The following ATOSA variants were observed in gnomAD, a reference collection of about 807,000 sequenced individuals.
ATOSA encodes the protein atos homolog A, also known as atos homolog protein A.
chr15:52,601,580 C>A, the ATOSA span, among the ~76,000 whole-genome samples: 2 of 151,478 alleles, frequency 1.3e-5, no homozygotes, highest in Non-Finnish European at 2.9e-5. Flanking sequence ...TGAGGCCCCA[C>A]CAGCACTGCC....
At chr15:52,650,231 A>AC in the ATOSA span, among the ~76,000 whole-genome samples, 2 of 151,966 alleles carry the variant, frequency 1.3e-5, no homozygotes, top group Non-Finnish European at 2.9e-5. Context: ...TCCCTTTCAT[A>AC]CCCCTACCCC....
chr15:52,601,092 G>T, the ATOSA span: 1 of 1,529,146 alleles, frequency 6.5e-7, no homozygotes, highest in Non-Finnish European at 8.8e-7. Flanking sequence ...ATACCTTCTA[G>T]ATGAGAAGCT....
chr15:52,667,915 G>A, the ATOSA span, among the ~76,000 whole-genome samples: 3 of 152,210 alleles, frequency 2.0e-5, no homozygotes, highest in Non-Finnish European at 4.4e-5. Context: ...AAGAAAACAA[G>A]TGTTGGCAAG....
the ATOSA span, among the ~76,000 whole-genome samples, chr15:52,670,199 G>T: frequency 6.6e-6 from 1 of 152,174 alleles, no homozygotes; most frequent in Non-Finnish European, 1.5e-5. Context: ...TTTCATGCTT[G>T]TTCCAACCAG....
At chr15:52,583,390 G>GTCATTCATTCATTCATTCATTCATTCAT in the ATOSA span, among the ~76,000 whole-genome samples, 4 of 150,872 alleles carry the variant, frequency 2.7e-5, no homozygotes, top group East Asian at 7.9e-4. Context: ...TTCATACCAT[G>GTCATTCATTCATTCATTCATTCATTCAT]TCATTCATTC....
chr15:52,672,811 G>A, the ATOSA span, among the ~76,000 whole-genome samples: 4 of 152,152 alleles, frequency 2.6e-5, no homozygotes, highest in East Asian at 7.7e-4. Flanking sequence ...AAATGACAGG[G>A]TTTAGTCCAC....
the ATOSA span, among the ~76,000 whole-genome samples, chr15:52,634,617 T>C: frequency 4.6e-5 from 7 of 151,266 alleles, no homozygotes; most frequent in African/African-American, 1.7e-4. Context: ...TTTTTTTTTT[T>C]TTGAGACAGA....
At chr15:52,611,615 A>C in the ATOSA span, 6 of 1,614,062 alleles carry the variant, frequency 3.7e-6, no homozygotes, top group Non-Finnish European at 5.1e-6. Context: ...TCTAATAATA[A>C]TGCATCTTGC....
At chr15:52,583,886 G>C in the ATOSA span, among the ~76,000 whole-genome samples, 1 of 151,910 alleles carries the variant, frequency 6.6e-6, no homozygotes, top group African/African-American at 2.4e-5. Flanking sequence ...AGAGCTTTGG[G>C]GAGAATAATT....
At chr15:52,651,924 A>C in the ATOSA span, 1 of 1,535,460 alleles carries the variant, frequency 6.5e-7, no homozygotes, top group East Asian at 2.4e-5. Context: ...TCCTTGTATA[A>C]AGGAAGTTGC....
the ATOSA span, among the ~76,000 whole-genome samples, chr15:52,671,821 C>G: frequency 4.6e-5 from 7 of 150,892 alleles, no homozygotes; most frequent in Non-Finnish European, 8.8e-5. Context: ...GAAGGAATTT[C>G]GCATACCAGA....
chr15:52,610,051 C>A, the ATOSA span: 1 of 1,613,966 alleles, frequency 6.2e-7, no homozygotes, highest in Non-Finnish European at 8.5e-7. Context: ...ATATTCTGGA[C>A]TTGGGCCACT....
chr15:52,602,319 C>T, the ATOSA span, among the ~76,000 whole-genome samples: 1 of 152,172 alleles, frequency 6.6e-6, no homozygotes, highest in Non-Finnish European at 1.5e-5. Flanking sequence ...TCTTTGCCTT[C>T]ATCTATCTCC....
chr15:52,657,225 T>C, the ATOSA span: 2 of 152,106 alleles, frequency 1.3e-5, no homozygotes, highest in East Asian at 1.9e-4. Flanking sequence ...CCTCTGCTAA[T>C]AGAGACAAAC....
At chr15:52,621,954 A>G in the ATOSA span, among the ~76,000 whole-genome samples, 1 of 151,986 alleles carries the variant, frequency 6.6e-6, no homozygotes, top group Non-Finnish European at 1.5e-5. Context: ...GGTTCAAGCA[A>G]TTCTCTTGCT....
chr15:52,608,937 T>A, the ATOSA span: 1 of 1,607,026 alleles, frequency 6.2e-7, no homozygotes, highest in Admixed American at 1.7e-5. Context: ...CATTTATTAT[T>A]TTTTCCTTAT....
chr15:52,641,021 C>T, the ATOSA span, among the ~76,000 whole-genome samples: 167 of 152,200 alleles, frequency 1.1e-3, no homozygotes, highest in African/African-American at 3.8e-3. Flanking sequence ...TTCTTTTAAG[C>T]GTCTTTTGAA....
the ATOSA span, among the ~76,000 whole-genome samples, chr15:52,612,619 C>T: frequency 6.6e-6 from 1 of 151,446 alleles, no homozygotes; most frequent in Non-Finnish European, 1.5e-5. Flanking sequence ...AATCTCCTGC[C>T]TCAGCCTCCC....
At chr15:52,675,925 A>G in the ATOSA span, among the ~76,000 whole-genome samples, 9 of 151,450 alleles carry the variant, frequency 5.9e-5, no homozygotes, top group South Asian at 2.1e-4. Flanking sequence ...AAAGAAAAAG[A>G]AAAAAAAAGA....
Sources: allele counts gnomAD v4.1 joint callset (sites outside exome capture counted in the v4.1 genomes callset), GRCh38; gene constraint gnomAD v4.1.1; transcripts MANE v1.5; gene names NCBI Gene and HGNC (gene_info 2026-07-23, HGNC 2026-07-21).